The following WDR72 variants were observed in gnomAD, a reference collection of about 807,000 sequenced individuals.
WDR72 encodes the protein WD repeat-containing protein 72.
A neutral mutation model predicts 124.2 loss-of-function variants in WDR72; 120 were observed. The ratio of observed to expected loss-of-function variants is 0.97; its 90% confidence interval spans 0.83 to 1.12. The LOEUF is 1.12. WDR72 is among the 50% of genes most tolerant of loss of function. The pLI, the probability that WDR72 is intolerant of heterozygous loss-of-function variation, is 0.00. For synonymous variants in WDR72, 452 were observed against 441.7 expected, an observed-to-expected ratio of 1.02 and a Z score of -0.29; for missense variants, 1,387 against 1,278.8, an observed-to-expected ratio of 1.08 and a Z score of -1.29.
At chr15:53,750,117 AG>A (rs1267276416) in intron 1 of WDR72, among the ~76,000 whole-genome samples, 2 of 152,194 alleles carry the variant, frequency 1.3e-5, no homozygotes, top group Non-Finnish European at 2.9e-5. Flanking sequence ...TTTTATTGGA[AG>A]AAGATGCCAT....
chr15:53,704,133 G>T (rs2017267197), intron 11 of WDR72, among the ~76,000 whole-genome samples: 1 of 152,154 alleles, frequency 6.6e-6, no homozygotes. Flanking sequence ...GTACAGATAT[G>T]CTCACATATA....
chr15:53,711,902 A>T (rs978659753), intron 7 of WDR72, among the ~76,000 whole-genome samples: 1 of 152,224 alleles, frequency 6.6e-6, no homozygotes, highest in Non-Finnish European at 1.5e-5. Context: ...AAGACTGTAT[A>T]GTTTTGTTAA....
intron 14 of WDR72, chr15:53,652,180 A>G (rs893861622): frequency 6.6e-6 from 1 of 152,174 alleles, no homozygotes; most frequent in Admixed American, 6.5e-5. Flanking sequence ...AGAACCACCC[A>G]TGTGGAAGAG....
chr15:53,706,224 A>G (rs1285379259), intron 9 of WDR72, 150 bp from the exon 10 acceptor site: 3 of 995,038 alleles, frequency 3.0e-6, no homozygotes, highest in Non-Finnish European at 4.4e-6. Context: ...ATTAAATGAA[A>G]TAATCTGTGA....
intron 19 of WDR72, among the ~76,000 whole-genome samples, chr15:53,519,023 CTT>C (rs1480947633): frequency 2.6e-5 from 4 of 152,192 alleles, no homozygotes; most frequent in African/African-American, 7.2e-5. Flanking sequence ...CTAATTCTCT[CTT>C]GTCACTATTA....
intron 16 of WDR72, among the ~76,000 whole-genome samples, chr15:53,610,429 C>G (rs7169329): frequency 0.62 from 93,755 of 151,740 alleles, 29,143 homozygotes; most frequent in South Asian, 0.68. Flanking sequence ...GTAAGGGCTT[C>G]TGCAAGCGGA....
chr15:53,565,474 A>C (rs9920169), intron 18 of WDR72, among the ~76,000 whole-genome samples: 48,461 of 151,742 alleles, frequency 0.32, 8,266 homozygotes, highest in Admixed American at 0.42. Flanking sequence ...CATATGCAAC[A>C]ATGTGCCAAG....
At chr15:53,561,787 T>C (rs944110220) in intron 18 of WDR72, among the ~76,000 whole-genome samples, 2 of 151,928 alleles carry the variant, frequency 1.3e-5, no homozygotes, top group Non-Finnish European at 2.9e-5. Flanking sequence ...CACCCTACTA[T>C]AGACCAATTA....
At chr15:53,531,833 G>A (rs2140234660) in intron 18 of WDR72, among the ~76,000 whole-genome samples, 1 of 152,138 alleles carries the variant, frequency 6.6e-6, no homozygotes, top group East Asian at 1.9e-4. Flanking sequence ...CTAGATTAGT[G>A]TAAAAATCTC....
At chr15:53,712,970 A>T in intron 6 of WDR72, 79 bp from the exon 7 acceptor site, 1 of 1,511,176 alleles carries the variant, frequency 6.6e-7, no homozygotes, top group Non-Finnish European at 9.1e-7. Flanking sequence ...CTTCCCGTAC[A>T]TCTCAAGTAG....
chr15:53,641,772 T>A (rs1420382643), intron 14 of WDR72, among the ~76,000 whole-genome samples: 2 of 151,932 alleles, frequency 1.3e-5, no homozygotes, highest in Non-Finnish European at 2.9e-5. Flanking sequence ...ACATTCTAAT[T>A]GGTGTTTTTT....
At chr15:53,571,259 A>G (rs1162772008) in intron 18 of WDR72, among the ~76,000 whole-genome samples, 1 of 152,102 alleles carries the variant, frequency 6.6e-6, no homozygotes, top group Admixed American at 6.6e-5. Context: ...CATGTAAAAA[A>G]TATGCATATT....
intron 3 of WDR72, among the ~76,000 whole-genome samples, chr15:53,719,085 T>C (rs1273630517): frequency 6.6e-6 from 1 of 152,150 alleles, no homozygotes; most frequent in African/African-American, 2.4e-5. Flanking sequence ...TTTGGAAATA[T>C]ATTATTTTCT....
chr15:53,604,468 A>G (rs985234740), intron 17 of WDR72, among the ~76,000 whole-genome samples: 3 of 152,376 alleles, frequency 2.0e-5, no homozygotes, highest in African/African-American at 7.2e-5. Flanking sequence ...AACAAAAGCA[A>G]ACATTGGCAA....
At chr15:53,612,225 T>G (rs1253421266) in intron 16 of WDR72, among the ~76,000 whole-genome samples, 1 of 152,174 alleles carries the variant, frequency 6.6e-6, no homozygotes, top group Non-Finnish European at 1.5e-5. Flanking sequence ...TGCTAATTCC[T>G]TCTAGATATT....
chr15:53,692,967 A>G (rs1046476878), intron 13 of WDR72, among the ~76,000 whole-genome samples: 1 of 152,166 alleles, frequency 6.6e-6, no homozygotes, highest in South Asian at 2.1e-4. Flanking sequence ...ATCTACCACA[A>G]CAAAATAACA....
chr15:53,594,167 A>G (rs925514695), intron 18 of WDR72, among the ~76,000 whole-genome samples: 1 of 152,062 alleles, frequency 6.6e-6, no homozygotes, highest in African/African-American at 2.4e-5. Flanking sequence ...CATTGTTGCC[A>G]TATTGCTATA....
chr15:53,695,419 AT>A (rs953916682), intron 13 of WDR72, among the ~76,000 whole-genome samples: 3 of 152,234 alleles, frequency 2.0e-5, no homozygotes, highest in African/African-American at 7.2e-5. Context: ...TATTACGCCT[AT>A]TGTGTCTCAC....
intron 19 of WDR72, among the ~76,000 whole-genome samples, chr15:53,519,672 C>A (rs1313280133): frequency 6.6e-6 from 1 of 152,058 alleles, no homozygotes; most frequent in African/African-American, 2.4e-5. Flanking sequence ...ATGCTCTGGT[C>A]TAAAGGTGCT....
Sources: allele counts gnomAD v4.1 joint callset (sites outside exome capture counted in the v4.1 genomes callset), GRCh38; gene constraint gnomAD v4.1.1; transcripts MANE v1.5; gene names NCBI Gene and HGNC (gene_info 2026-07-23, HGNC 2026-07-21).